SLCO1C1: variants seen among roughly 807,000 people sequenced by gnomAD.
SLCO1C1 encodes the protein OAT-RP-5.
Under a neutral mutation model 76.4 loss-of-function variants are expected in SLCO1C1, and 70 were observed. The ratio of observed to expected loss-of-function variants is 0.92; its 90% confidence interval spans 0.76 to 1.12. The LOEUF is 1.12. SLCO1C1 is among the 50% of genes most tolerant of loss of function. The pLI, the probability that SLCO1C1 is intolerant of heterozygous loss-of-function variation, is 0.00. For synonymous variants in SLCO1C1, 306 were observed against 286.1 expected, an observed-to-expected ratio of 1.07 and a Z score of -0.70; for missense variants, 912 against 823.8, an observed-to-expected ratio of 1.11 and a Z score of -1.31.
rs914321649 is a variant in SLCO1C1, at chr12:20,737,370, C to A, written c.1548+98C>A. 2.4e-6 allele frequency: 3 copies of A among 1,265,864 alleles called. No homozygotes were observed. The Admixed American group carries it at 8.9e-5, about 38-fold the overall frequency. The allele number at this position is 1,265,864 out of a possible 1,614,324, so 78.4% of individuals were successfully genotyped here. ...ACAGCAGACCACTACTAGTAGGAGGCTTGCCTCTTACCTCTGCCTGGTCCT... is the reference window on the plus strand; with the variant it reads ...ACAGCAGACCACTACTAGTAGGAGGATTGCCTCTTACCTCTGCCTGGTCCT... On this transcript the variant is annotated intron_variant, in intron 11 of 14. Transcript: ENST00000266509.
chr12:20,726,937 A>G (rs1310417069), intron 9 of SLCO1C1, among the ~76,000 whole-genome samples: 1 of 152,126 alleles, frequency 6.6e-6, no homozygotes, highest in Non-Finnish European at 1.5e-5. Context: ...TTTAGCTCCC[A>G]CTGATATGTG....
At chr12:20,751,039 G>A (rs1344322449) in intron 14 of SLCO1C1, 5 of 726,584 alleles carry the variant, frequency 6.9e-6, no homozygotes, top group African/African-American at 5.3e-5. Flanking sequence ...TGACAAAAGT[G>A]TCCAGAATAC....
chr12:20,748,826 A>C (rs1460716420), intron 13 of SLCO1C1, among the ~76,000 whole-genome samples: 1 of 152,192 alleles, frequency 6.6e-6, no homozygotes, highest in Non-Finnish European at 1.5e-5. Context: ...CGTGATTTGC[A>C]TGATGCTTAG....
Position 20,701,339 on chromosome 12 carries a change from T to G in SLCO1C1, c.151T>G (p.Phe51Val). The G allele has an allele frequency of 6.5e-7, 1 of 1,537,272 alleles. No homozygotes were observed. The highest frequency in any genetic ancestry group is 8.9e-7 in the Non-Finnish European group (1 of 1,126,434). Residue 51 changes from phenylalanine (F) to valine (V), a missense_variant, in exon 3 of 15, where the codon TTT becomes GTT. By Grantham distance (50) the Phe-to-Val change is conservative (BLOSUM62 -1). Transcript: ENST00000266509. ...CCAGGTGTTCTTGTGTGCCTTGTCT[T>G]TTGTTTACTTTGCCAAAGCATTGGC... Reference protein sequence around the residue: ...ELKVFLCALSFVYFAKALAEG... With the variant: ...ELKVFLCALSVVYFAKALAEG...
intron 1 of SLCO1C1, chr12:20,696,992 T>C (rs1946297954): frequency 6.6e-6 from 1 of 152,168 alleles, no homozygotes; most frequent in African/African-American, 2.4e-5. Flanking sequence ...TATTTCATTA[T>C]ACTTTTGAAT....
At chr12:20,704,632 T>C (rs1481621120) in intron 3 of SLCO1C1, among the ~76,000 whole-genome samples, 1 of 151,816 alleles carries the variant, frequency 6.6e-6, no homozygotes, top group Admixed American at 6.6e-5. Context: ...TCACTATCAT[T>C]CTTATTATCC....
Position 20,736,884 on chromosome 12 carries a change from T to C in SLCO1C1, c.1383-223T>C, listed in dbSNP as rs937517359. ...GCTATAAGCTAAGAACTGGACATCA[T>C]GTGAATTTGTAAACCTCTAAAGATA... On this transcript the variant is annotated intron_variant, in intron 10 of 14. Coordinates refer to ENST00000266509, the MANE Select transcript of SLCO1C1 (RefSeq NM_017435.5). 5.5e-4 allele frequency among the ~76,000 whole-genome samples: 83 copies of C among 152,204 alleles called. 1 individual carries two copies. The highest frequency in any genetic ancestry group is 1.1e-3 in the Admixed American group (17 of 15,276).
At chr12:20,720,550 A>G (rs73085067) in intron 7 of SLCO1C1, among the ~76,000 whole-genome samples, 1 of 152,338 alleles carries the variant, frequency 6.6e-6, no homozygotes, top group Non-Finnish European at 1.5e-5. Flanking sequence ...CATTAGCAAG[A>G]GTGTGAAAGA....
At chr12:20,722,580 A>G (rs563483474) in intron 8 of SLCO1C1, among the ~76,000 whole-genome samples, 1 of 152,264 alleles carries the variant, frequency 6.6e-6, no homozygotes, top group African/African-American at 2.4e-5. Flanking sequence ...AATTCTTCAC[A>G]TGTCTAATTG....
intron 2 of SLCO1C1, 68 bp from the exon 3 acceptor site, chr12:20,701,250 T>A: frequency 7.4e-7 from 1 of 1,349,044 alleles, no homozygotes; most frequent in Non-Finnish European, 9.7e-7. Context: ...TTTGTTTGTC[T>A]ATTTACTTAG....
intron 8 of SLCO1C1, among the ~76,000 whole-genome samples, chr12:20,722,305 T>C (rs1947719388): frequency 6.6e-6 from 1 of 152,234 alleles, no homozygotes. Flanking sequence ...TACCATTGTC[T>C]CTACCCAGGA....
chr12:20,724,449 A>G (rs34996324), intron 9 of SLCO1C1, among the ~76,000 whole-genome samples: 23,660 of 92,978 alleles, frequency 0.25, 2,820 homozygotes, highest in Non-Finnish European at 0.28. Flanking sequence ...ATATATATAT[A>G]TATGTGTGTG....
At chr12:20,715,313 C>T (rs34288910) in intron 6 of SLCO1C1, 28 bp downstream of exon 6, 178,514 of 1,608,746 alleles carry the variant, frequency 0.11, 11,045 homozygotes, top group Middle Eastern at 0.13. Flanking sequence ...CTTCACTTAT[C>T]TTCTTGGGAA....
intron 3 of SLCO1C1, among the ~76,000 whole-genome samples, chr12:20,704,952 A>G (rs551708985): frequency 1.3e-5 from 2 of 152,106 alleles, no homozygotes; most frequent in Non-Finnish European, 2.9e-5. Flanking sequence ...ATGTTCTAGG[A>G]ATCATCTCCA....
At chr12:20,740,807 A>G (rs1466442527) in intron 12 of SLCO1C1, among the ~76,000 whole-genome samples, 1 of 129,268 alleles carries the variant, frequency 7.7e-6, no homozygotes, top group African/African-American at 2.8e-5. Flanking sequence ...ATATATATAT[A>G]TATATATATA....
At chr12:20,737,317 T>C (rs757003292) in intron 11 of SLCO1C1, 45 bp downstream of exon 11, 2 of 1,520,184 alleles carry the variant, frequency 1.3e-6, no homozygotes, top group Non-Finnish European at 1.7e-6. Flanking sequence ...CCTGTTACAA[T>C]ATAAACAACA....
intron 6 of SLCO1C1, among the ~76,000 whole-genome samples, chr12:20,716,259 A>C (rs922016852): frequency 7.2e-5 from 11 of 152,168 alleles, no homozygotes; most frequent in Admixed American, 7.2e-4. Context: ...GAACTGCAAC[A>C]AACACTTCAT....
chr12:20,723,382 G>T lies in SLCO1C1; in HGVS notation c.1186+128G>T, dbSNP rs565289406. The T allele has an allele frequency of 5.0e-5, 56 of 1,126,476 alleles. No individual in the cohort carries two copies. The African/African-American group carries it at 8.1e-4, about 16-fold the overall frequency. 69.8% of individuals were successfully genotyped at this position (1,126,476 alleles called of 1,614,324 possible). Reference sequence around the variant, plus strand: ...ATGACATTTTAGATGAGCTCAAAAAGTAACAAGAATGTTGTAGCAAGAATT... The same window carrying T: ...ATGACATTTTAGATGAGCTCAAAAATTAACAAGAATGTTGTAGCAAGAATT... On this transcript the variant is annotated intron_variant, in intron 9 of 14. Coordinates refer to ENST00000266509, the MANE Select transcript of SLCO1C1 (RefSeq NM_017435.5).
Position 20,753,314 on chromosome 12 carries a change from G to A in SLCO1C1, c.*786G>A, listed in dbSNP as rs899008129. ...TGTAAGCAACTTCCTACTTATACAC[G>A]ACGTGTTCCTAAAACATGTTTGAAA... On this transcript the variant is annotated 3_prime_UTR_variant, in exon 15 of 15. Transcript: ENST00000266509. 5 of 152,032 alleles carry A rather than the reference G, an allele frequency of 3.3e-5. No homozygotes were observed. Among genetic ancestry groups the A allele is most frequent in the African/African-American group, 9.7e-5 (4 of 41,382 alleles). 9.4% of individuals were successfully genotyped at this position (152,032 alleles called of 1,614,324 possible).
Sources: gnomAD v4.1 joint callset for allele counts (sites outside exome capture counted in the v4.1 genomes callset) on GRCh38, gnomAD v4.1.1 for gene constraint, MANE v1.5 for transcripts, NCBI Gene and HGNC (gene_info 2026-07-23, HGNC 2026-07-21) for gene names.